Variants in B4GALT1 observed in about 807,000 individuals in gnomAD.
The protein encoded by B4GALT1 is N-acetyllactosamine synthase.
A neutral mutation model predicts 34.9 loss-of-function variants in B4GALT1; 16 were observed. The observed-to-expected ratio is 0.46, with a 90% CI of 0.31 to 0.70. The LOEUF is 0.70. Among genes scored for constraint, B4GALT1 ranks in the 30% least tolerant of loss-of-function variants. The pLI, the probability that B4GALT1 is intolerant of heterozygous loss-of-function variation, is 0.05. For synonymous variants in B4GALT1, 221 were observed against 218.1 expected (o/e 1.01, Z -0.12); for missense variants, 445 against 530.5 (o/e 0.84, Z 1.58).
chr9:33,165,231 G>A (rs1420944474), intron 1 of B4GALT1, among the ~76,000 whole-genome samples: 1 of 151,088 alleles, frequency 6.6e-6, no homozygotes, highest in Non-Finnish European at 1.5e-5. Context: ...GCCTCCCAAA[G>A]TGCTAGGATT....
At chr9:33,139,242 C>T (rs1300042631) in intron 1 of B4GALT1, among the ~76,000 whole-genome samples, 1 of 152,134 alleles carries the variant, frequency 6.6e-6, no homozygotes, top group Non-Finnish European at 1.5e-5. Context: ...CCAGGAGTTC[C>T]CTGCTGAGCG....
chr9:33,121,807 G>A (rs916032416), intron 2 of B4GALT1, among the ~76,000 whole-genome samples: 3 of 152,082 alleles, frequency 2.0e-5, no homozygotes, highest in African/African-American at 7.2e-5. Context: ...AATGAATGGG[G>A]TTCAACATAC....
intron 1 of B4GALT1, among the ~76,000 whole-genome samples, chr9:33,156,429 C>T (rs545841330): frequency 9.4e-4 from 143 of 152,272 alleles, no homozygotes; most frequent in South Asian, 2.5e-3. Flanking sequence ...CCACTGTGCC[C>T]GGCCAGGATC....
intron 1 of B4GALT1, among the ~76,000 whole-genome samples, chr9:33,155,569 G>A (rs1840583402): frequency 6.6e-6 from 1 of 152,104 alleles, no homozygotes; most frequent in Non-Finnish European, 1.5e-5. Flanking sequence ...ACTGACACAG[G>A]GGAACACACA....
intron 1 of B4GALT1, among the ~76,000 whole-genome samples, chr9:33,135,890 A>AGTGTGTGTGTGTGTGTGTGT (rs112875696): frequency 1.5e-4 from 16 of 104,158 alleles, no homozygotes; most frequent in African/African-American, 4.6e-4. Flanking sequence ...TAACTGGGGA[A>AGTGTGTGTGTGTGTGTGTGT]GTGTGTGTGT....
intron 2 of B4GALT1, among the ~76,000 whole-genome samples, chr9:33,129,361 T>C (rs577037285): frequency 6.6e-6 from 1 of 152,366 alleles, no homozygotes; most frequent in East Asian, 1.9e-4. Flanking sequence ...GCCTGTGCTC[T>C]GGTCAGCATT....
intron 1 of B4GALT1, among the ~76,000 whole-genome samples, chr9:33,146,935 A>T (rs1212234496): frequency 1.3e-5 from 2 of 152,130 alleles, no homozygotes; most frequent in African/African-American, 4.8e-5. Flanking sequence ...TCCTGACCTC[A>T]GGTGATCCAC....
At chr9:33,146,181 T>C (rs1840422743) in intron 1 of B4GALT1, among the ~76,000 whole-genome samples, 1 of 152,230 alleles carries the variant, frequency 6.6e-6, no homozygotes, top group Non-Finnish European at 1.5e-5. Flanking sequence ...TTCTGCTTTC[T>C]TTGGTCCTCA....
chr9:33,121,618 C>T (rs1587730534), intron 2 of B4GALT1, among the ~76,000 whole-genome samples: 1 of 151,748 alleles, frequency 6.6e-6, no homozygotes, highest in Non-Finnish European at 1.5e-5. Context: ...GATCCGCCTG[C>T]CTTGGCCTCC....
At chr9:33,146,380 A>G (rs1003780121) in intron 1 of B4GALT1, among the ~76,000 whole-genome samples, 7 of 152,232 alleles carry the variant, frequency 4.6e-5, no homozygotes, top group African/African-American at 1.7e-4. Flanking sequence ...TCCAGAAGGG[A>G]TGATTTCAGC....
chr9:33,144,756 C>T (rs1292896187), intron 1 of B4GALT1, among the ~76,000 whole-genome samples: 1 of 152,154 alleles, frequency 6.6e-6, no homozygotes, highest in African/African-American at 2.4e-5. Flanking sequence ...TTGGCTGGAG[C>T]CCTGCAGAGA....
At chr9:33,146,987 C>T (rs1026697305) in intron 1 of B4GALT1, among the ~76,000 whole-genome samples, 7 of 152,062 alleles carry the variant, frequency 4.6e-5, no homozygotes. Flanking sequence ...AGGCGAGAGC[C>T]ACCACACCTG....
In B4GALT1 at chr9:33,110,668, G is replaced by C. The variant is rs190731618; in HGVS notation, c.*2786C>G. The C allele has an allele frequency of 6.6e-6, 1 of 152,018 alleles. No individual in the cohort carries two copies. The highest frequency in any genetic ancestry group is 2.4e-5 in the African/African-American group (1 of 41,392). The allele number at this position is 152,018 out of a possible 1,614,324, so 9.4% of individuals were successfully genotyped here. ...TACAAAGATAGGGTCATTTATTCAC[G>C]TTATATTATTTAATTTTAAAGGCAA... On this transcript the variant is annotated 3_prime_UTR_variant, in exon 6 of 6. Coordinates refer to ENST00000379731, the MANE Select transcript of B4GALT1 (RefSeq NM_001497.4).
At position 33,152,091 on chromosome 9, in the gene B4GALT1, G is replaced by C. The variant is rs573021316; in HGVS notation, c.412+14667C>G. On this transcript the variant is annotated intron_variant, in intron 1 of 5. Coordinates refer to ENST00000379731, the MANE Select transcript of B4GALT1 (RefSeq NM_001497.4). ...CCAGCACTTTGGGAGGATCATTTGA[G>C]ATCAGGAGTTTGAGATCAGCTTGAC... Among the ~76,000 whole-genome samples the C allele has an allele frequency of 9.2e-5, 14 of 152,252 alleles. No homozygotes were observed. In the East Asian group the frequency reaches 1.7e-3, roughly 19 times the overall value.
At chr9:33,104,861 A>G (rs1447268675) in intron 2 of B4GALT1, 4 of 427,512 alleles carry the variant, frequency 9.4e-6, no homozygotes, top group African/African-American at 8.5e-5. Context: ...TCTGTTGCCC[A>G]GGCTGGAGTG....
At chr9:33,163,322 C>T (rs957551751) in intron 1 of B4GALT1, among the ~76,000 whole-genome samples, 2 of 152,214 alleles carry the variant, frequency 1.3e-5, no homozygotes, top group Non-Finnish European at 2.9e-5. Flanking sequence ...AAGTGCTCCT[C>T]GGGTGCCCTG....
intron 2 of B4GALT1, 48 bp downstream of exon 2, chr9:33,135,141 A>C (rs1171066929): frequency 1.9e-6 from 3 of 1,540,100 alleles, no homozygotes; most frequent in Non-Finnish European, 2.7e-6. Flanking sequence ...TCTGATACAC[A>C]TCTGCATGCA....
chr9:33,128,797 G>A (rs752340905), intron 2 of B4GALT1, among the ~76,000 whole-genome samples: 1 of 152,160 alleles, frequency 6.6e-6, no homozygotes, highest in Non-Finnish European at 1.5e-5. Context: ...CCAGGCAGCT[G>A]TCCTCACTAA....
At chr9:33,166,688 T>C in intron 1 of B4GALT1, 70 bp downstream of exon 1, 3 of 1,431,338 alleles carry the variant, frequency 2.1e-6, no homozygotes, top group Non-Finnish European at 2.8e-6. Context: ...TGAGGGAATG[T>C]CTGGGGGACC....
Sources: allele counts gnomAD v4.1 joint callset (sites outside exome capture counted in the v4.1 genomes callset), GRCh38; gene constraint gnomAD v4.1.1; transcripts MANE v1.5; gene names NCBI Gene and HGNC (gene_info 2026-07-23, HGNC 2026-07-21).